The following MGST1 variants were observed in gnomAD, a reference collection of about 807,000 sequenced individuals.
MGST1 encodes the protein glutathione S-transferase 12.
Under a neutral mutation model 8.9 loss-of-function variants are expected in MGST1, and 5 were observed. The observed-to-expected ratio is 0.56, with a 90% confidence interval of 0.29 to 1.19. MGST1 has a LOEUF of 1.19. Ranked by LOEUF, MGST1 falls within the 50% of genes most tolerant of loss-of-function variation. The pLI, the probability that MGST1 is intolerant of heterozygous loss-of-function variation, is 0.08. For synonymous variants in MGST1, 54 were observed against 67.8 expected, an observed-to-expected ratio of 0.80 and a Z score of 1.00; for missense variants, 182 against 187.4, an observed-to-expected ratio of 0.97 and a Z score of 0.17.
chr12:16,348,302 T>A (rs758674083), intron 1 of MGST1, among the ~76,000 whole-genome samples: 4 of 152,190 alleles, frequency 2.6e-5, no homozygotes, highest in Non-Finnish European at 5.9e-5. Context: ...TTGTGTGATA[T>A]TATAGCCAGT....
Position 16,435,634 on chromosome 12 carries a change from G to T in MGST1, n.779-1754G>T, listed in dbSNP as rs183532209. On this transcript the variant is annotated intron_variant and non_coding_transcript_variant, in intron 1 of 1. Transcript: ENST00000359720. ...TTATTGATCTTTTCTAACATGCTGA[G>T]TGCTAGAGATAGGGAAATAAAAAGA... Among the ~76,000 whole-genome samples, 4 of 151,954 alleles carry T rather than the reference G, an allele frequency of 2.6e-5. No homozygotes were observed. The East Asian group carries it at 7.8e-4, about 30-fold the overall frequency.
At chr12:16,386,920 A>G (rs1015380188) in intron 1 of MGST1, among the ~76,000 whole-genome samples, 1 of 152,186 alleles carries the variant, frequency 6.6e-6, no homozygotes, top group Non-Finnish European at 1.5e-5. Context: ...CCACCCTGTC[A>G]GTCACTTAGC....
At chr12:16,418,449 T>C (rs188816207) in intron 1 of MGST1, among the ~76,000 whole-genome samples, 1 of 152,314 alleles carries the variant, frequency 6.6e-6, no homozygotes, top group Admixed American at 6.5e-5. Flanking sequence ...AATTATCACA[T>C]ATATCAGCAG....
downstream of MGST1, among the ~76,000 whole-genome samples, chr12:16,590,098 AC>A (rs2137610954): frequency 6.6e-6 from 1 of 152,224 alleles, no homozygotes; most frequent in South Asian, 2.1e-4. Flanking sequence ...AAGCTCGAGA[AC>A]TTTGATTTGT....
intron 4 of MGST1, among the ~76,000 whole-genome samples, chr12:16,492,146 T>C (rs143056972): frequency 6.2e-4 from 94 of 152,352 alleles, no homozygotes; most frequent in African/African-American, 2.0e-3. Context: ...ATATGTAGGA[T>C]GGTAGATTCA....
intron 1 of MGST1, among the ~76,000 whole-genome samples, chr12:16,416,489 AGCATGGTCATTCT>A (rs149322543): frequency 0.012 from 1,873 of 152,262 alleles, 33 homozygotes; most frequent in African/African-American, 0.043. Context: ...GGAGGACTCC[AGCATGGTCATTCT>A]GGTGAGGGCT....
chr12:16,465,294 C>A (rs1346802966), intron 4 of MGST1, among the ~76,000 whole-genome samples: 2 of 152,188 alleles, frequency 1.3e-5, no homozygotes, highest in African/African-American at 2.4e-5. Context: ...TTCTGACGAA[C>A]CTACATTTTA....
intron 4 of MGST1, among the ~76,000 whole-genome samples, chr12:16,457,680 T>G (rs550740611): frequency 1.3e-5 from 2 of 152,120 alleles, no homozygotes; most frequent in African/African-American, 2.4e-5. Flanking sequence ...AAGATTTATT[T>G]TCAATGATTT....
chr12:16,487,371 A>G (rs1233431517), intron 4 of MGST1, among the ~76,000 whole-genome samples: 1 of 152,182 alleles, frequency 6.6e-6, no homozygotes, highest in Non-Finnish European at 1.5e-5. Context: ...AATTTTCTCA[A>G]TCTTACATAA....
At chr12:16,549,279 T>C (rs1315008994) in intron 4 of MGST1, 1 of 152,156 alleles carries the variant, frequency 6.6e-6, no homozygotes, top group African/African-American at 2.4e-5. Flanking sequence ...ATAGTTATTT[T>C]TGTGGGCCCC....
intron 4 of MGST1, among the ~76,000 whole-genome samples, chr12:16,464,248 C>A (rs901598461): frequency 1.3e-5 from 2 of 152,188 alleles, no homozygotes; most frequent in African/African-American, 4.8e-5. Context: ...CCATTTATTT[C>A]ATTACATTTC....
At chr12:16,384,808 T>G (rs1291036100) in intron 1 of MGST1, among the ~76,000 whole-genome samples, 1 of 152,202 alleles carries the variant, frequency 6.6e-6, no homozygotes, top group Non-Finnish European at 1.5e-5. Context: ...CCCCTAAGTA[T>G]CTCTTGACGT....
intron 1 of MGST1, among the ~76,000 whole-genome samples, chr12:16,416,636 C>T (rs1231491926): frequency 6.6e-6 from 1 of 152,094 alleles, no homozygotes; most frequent in Non-Finnish European, 1.5e-5. Flanking sequence ...AATTACCTCC[C>T]AAAGGCCCCA....
At position 16,500,161 on chromosome 12, in the gene MGST1, ACTTTT is replaced by A. The variant is rs1941496334; in HGVS notation, n.483-89363_483-89359del. ...TTTCTTTTTTCCAAATCGAGTGTTTACTTTTCTTCTATCTTAAGACTGTACTTTCC... is the reference window on the plus strand; with the variant it reads ...TTTCTTTTTTCCAAATCGAGTGTTTACTTCTATCTTAAGACTGTACTTTCC... On this transcript the variant is annotated intron_variant and non_coding_transcript_variant, in intron 4 of 4. Transcript: ENST00000538857. This position sits in a 1 kb window ranked among gnomAD's most constrained non-coding sequence, Gnocchi z 4.3. Among the ~76,000 whole-genome samples, 1 of 152,138 alleles carries A rather than the reference ACTTTT, an allele frequency of 6.6e-6. No individual in the cohort carries two copies. The highest frequency in any genetic ancestry group is 2.4e-5 in the African/African-American group (1 of 41,438).
Position 16,389,424 on chromosome 12 carries a change from T to C in MGST1, n.778+5820T>C, listed in dbSNP as rs934026682. Among the ~76,000 whole-genome samples, 6 of 152,150 alleles carry C rather than the reference T, an allele frequency of 3.9e-5. No individual in the cohort carries two copies. Among genetic ancestry groups the C allele is most frequent in the Admixed American group, 1.3e-4 (2 of 15,282 alleles). ...TGTAGTTGAACTAAAATAAATAAGG[T>C]CTCTTTTTGTCTTTTTTGTGATTCC... is the stretch of plus-strand genomic sequence containing the variant. On this transcript the variant is annotated intron_variant and non_coding_transcript_variant, in intron 1 of 1. Transcript: ENST00000359720. The surrounding 1 kb of genome is among the most constrained non-coding windows in gnomAD (Gnocchi z 4.6).
chr12:16,402,358 C>T, intron 1 of MGST1: 6 of 1,603,266 alleles, frequency 3.7e-6, no homozygotes, highest in Middle Eastern at 3.8e-4. Flanking sequence ...CTCCTTTCTG[C>T]CAATTGCTGT....
Position 16,431,168 on chromosome 12 carries a change from G to A in MGST1, n.779-6220G>A, listed in dbSNP as rs561714425. Among the ~76,000 whole-genome samples the A allele has an allele frequency of 2.6e-5, 4 of 152,324 alleles. No homozygotes were observed. In the East Asian group the frequency reaches 7.7e-4, roughly 29 times the overall value. ...CCATCATGCAATTGAAGAGAATTAG[G>A]GCCTTGCCCTGGATTAAGCTTTGGC... On this transcript the variant is annotated intron_variant and non_coding_transcript_variant, in intron 1 of 1. Coordinates refer to the MGST1 transcript ENST00000359720.
chr12:16,360,295 TTCAG>T (rs1480569792), intron 3 of MGST1: 2 of 973,592 alleles, frequency 2.1e-6, no homozygotes, highest in African/African-American at 1.8e-5. Context: ...CTCTCGTTAC[TTCAG>T]TCATTGTAAA....
rs762245132 is a variant in MGST1, at chr12:16,361,618, C to T, written c.222-2177C>T. On this transcript the variant is annotated intron_variant, in intron 3 of 3. Coordinates refer to ENST00000396210, the MANE Select transcript of MGST1 (RefSeq NM_020300.5). The surrounding 1 kb of genome is among the most constrained non-coding windows in gnomAD (Gnocchi z 4.2). The stretch of plus-strand genomic sequence containing the variant: ...GTTGGAGAAGAGGGGAGGGTTAGGA[C>T]GGAAGGGTGATAGTGCACTGCAGCA... Among the ~76,000 whole-genome samples the T allele has an allele frequency of 7.2e-5, 11 of 152,024 alleles. No individual in the cohort carries two copies. The highest frequency in any genetic ancestry group is 2.1e-4 in the South Asian group (1 of 4,820).
Sources: gnomAD v4.1 joint callset for allele counts (sites outside exome capture counted in the v4.1 genomes callset) on GRCh38, gnomAD v4.1.1 for gene constraint, Gnocchi (gnomAD v3.1) non-coding constraint, MANE v1.5 for transcripts, NCBI Gene and HGNC (gene_info 2026-07-23, HGNC 2026-07-21) for gene names.